The following MCM3AP variants were observed in gnomAD, a reference collection of about 807,000 sequenced individuals.
The protein encoded by MCM3AP is minichromosome maintenance complex component 3 associated protein, also known as germinal-center associated nuclear protein.
In MCM3AP, 126 loss-of-function variants were observed where a neutral mutation model predicts 184.1. The ratio of observed to expected loss-of-function variants is 0.68; its 90% confidence interval spans 0.59 to 0.79. The LOEUF (loss-of-function observed/expected upper bound fraction) is 0.79. Ranked by LOEUF, MCM3AP falls within the 30% of genes least tolerant of loss-of-function variation. The pLI, the probability that MCM3AP is intolerant of heterozygous loss-of-function variation, is 0.00. For synonymous variants in MCM3AP, 1,002 were observed against 979.3 expected (o/e 1.02, Z -0.43); for missense variants, 2,496 against 2,479.2 (o/e 1.01, Z -0.14).
At position 46,267,264 on chromosome 21, in the gene MCM3AP, C is replaced by T. The variant is rs1000226371; in HGVS notation, c.2629-122G>A. On this transcript the variant is annotated intron_variant, in intron 9 of 27. Transcript: ENST00000291688. ...ATGGGCTCCTCCTGGGCTGAGTCCA[C>T]CAGAAGGCGCTTTGGCAACACGGAA... The T allele has an allele frequency of 4.5e-6, 4 of 895,752 alleles. No homozygotes were observed. In the Admixed American group the frequency reaches 1.0e-4, roughly 22 times the overall value. The allele number at this position is 895,752 out of a possible 1,614,324, so 55.5% of individuals were successfully genotyped here.
Position 46,243,690 on chromosome 21 carries a change from G to A in MCM3AP, c.5071C>T (p.Gln1691Ter), listed in dbSNP as rs2123822843. The stretch of plus-strand genomic sequence containing the variant: ...GAGCTGGGGATCTGGGAGGCGTACT[G>A]GACAACCATGGAGCACACGGGGAGC... The part of the protein sequence containing the change: ...PWLPVCSMVV[Q>*]YASQIPSSRQ... Residue 1691 changes from glutamine (Q) to a stop codon, truncating the protein, a stop_gained, in exon 24 of 28, where the codon CAG becomes TAG. Coordinates refer to ENST00000291688, the MANE Select transcript of MCM3AP (RefSeq NM_003906.5). LOFTEE classifies it high-confidence loss of function. 1 of 1,614,170 alleles carries A rather than the reference G, an allele frequency of 6.2e-7. No homozygotes were observed. Among genetic ancestry groups the A allele is most frequent in the Non-Finnish European group, 8.5e-7 (1 of 1,180,046 alleles).
In MCM3AP at chr21:46,272,547, A is replaced by G; in HGVS notation, c.2465+14T>C. The G allele has an allele frequency of 6.2e-7, 1 of 1,609,246 alleles. No homozygotes were observed. Among genetic ancestry groups the G allele is most frequent in the Non-Finnish European group, 8.5e-7 (1 of 1,177,150 alleles). ...TCAGCCACCTTAGGACAACTTTTGG[A>G]TGTGAAAATTCACCTTAGGATGTCT... On this transcript the variant is annotated intron_variant, in intron 8 of 27. Coordinates refer to ENST00000291688, the MANE Select transcript of MCM3AP (RefSeq NM_003906.5).
chr21:46,261,848 C>T (rs189710004), intron 13 of MCM3AP, among the ~76,000 whole-genome samples: 100 of 152,044 alleles, frequency 6.6e-4, no homozygotes, highest in Non-Finnish European at 1.2e-3. Flanking sequence ...CAAAATGCTC[C>T]AAAATCTCAA....
chr21:46,255,935 C>G (rs908767670), intron 17 of MCM3AP, among the ~76,000 whole-genome samples: 2 of 152,168 alleles, frequency 1.3e-5, no homozygotes, highest in African/African-American at 4.8e-5. Context: ...GCCCTGGCCT[C>G]ACAGCATGCC....
chr21:46,247,654 C>G (rs1195115630), intron 20 of MCM3AP: 1 of 152,034 alleles, frequency 6.6e-6, no homozygotes, highest in Non-Finnish European at 1.5e-5. Context: ...ACCGCGCCCA[C>G]CCATGTTCAT....
At chr21:46,264,826 G>A (rs537690918) in intron 12 of MCM3AP, among the ~76,000 whole-genome samples, 24 of 151,530 alleles carry the variant, frequency 1.6e-4, no homozygotes, top group African/African-American at 4.6e-4. Flanking sequence ...GGGCACACCC[G>A]CCAGGGGACA....
chr21:46,258,687 G>A (rs549013834), intron 16 of MCM3AP, among the ~76,000 whole-genome samples: 21 of 151,872 alleles, frequency 1.4e-4, no homozygotes, highest in African/African-American at 4.8e-4. Flanking sequence ...TTGACATACA[G>A]AGTAGCCACC....
In MCM3AP at chr21:46,242,946, C is replaced by T; in HGVS notation, c.5297-15G>A. ...ACTCAGCGCCTCTGAGAAAACAATA[C>T]AAAAACAGATAAAGAGGCCAGCCTG... On this transcript the variant is annotated splice_polypyrimidine_tract_variant and intron_variant, in intron 24 of 27. Transcript: ENST00000291688. 6.6e-7 allele frequency: 1 copy of T among 1,525,152 alleles called. No homozygotes were observed. The highest frequency in any genetic ancestry group is 8.8e-7 in the Non-Finnish European group (1 of 1,134,564). The allele number at this position is 1,525,152 out of a possible 1,614,324, so 94.5% of individuals were successfully genotyped here.
chr21:46,254,671 C>CAT, intron 18 of MCM3AP, 105 bp downstream of exon 18: 1 of 1,416,116 alleles, frequency 7.1e-7, no homozygotes. Context: ...GTCTGGAGCT[C>CAT]ATCGAAGAGA....
At chr21:46,249,797 G>C (rs1378220843) in intron 20 of MCM3AP, 1 of 282,018 alleles carries the variant, frequency 3.5e-6, no homozygotes, top group Non-Finnish European at 7.0e-6. Context: ...AGCCAGATGA[G>C]CATCTCCACC....
intron 17 of MCM3AP, 128 bp downstream of exon 17, chr21:46,256,661 G>C (rs1239197921): frequency 1.3e-5 from 16 of 1,193,754 alleles, no homozygotes; most frequent in Non-Finnish European, 1.6e-5. Flanking sequence ...TCGCCTCCAG[G>C]CTTCACCTAT....
intron 26 of MCM3AP, among the ~76,000 whole-genome samples, chr21:46,238,092 T>TC (rs2080581846): frequency 1.5e-5 from 1 of 66,886 alleles, no homozygotes; most frequent in African/African-American, 6.9e-5. Context: ...AGAGCAAAAC[T>TC]CCATCTCAAA....
At chr21:46,238,745 A>ATTTT (rs2080594191) in intron 26 of MCM3AP, among the ~76,000 whole-genome samples, 1 of 51,788 alleles carries the variant, frequency 1.9e-5, no homozygotes, top group African/African-American at 9.1e-5. Context: ...AAACCACTTA[A>ATTTT]ATTATAGAGA....
At chr21:46,262,777 C>T (rs1243681388) in intron 13 of MCM3AP, among the ~76,000 whole-genome samples, 1 of 150,614 alleles carries the variant, frequency 6.6e-6, no homozygotes, top group African/African-American at 2.4e-5. Context: ...ACCATCCTGG[C>T]TAACACAGTG....
Position 46,280,585 on chromosome 21 carries a change from A to C in MCM3AP, c.1444-10T>G. ...CCAGGGCTGCAGATGCCTGGAAAACAGTCCACAACCGCCATGTGTGAGTAT... is the reference window on the plus strand; with the variant it reads ...CCAGGGCTGCAGATGCCTGGAAAACCGTCCACAACCGCCATGTGTGAGTAT... On this transcript the variant is annotated splice_polypyrimidine_tract_variant and intron_variant, in intron 2 of 27. Coordinates refer to ENST00000291688, the MANE Select transcript of MCM3AP (RefSeq NM_003906.5). 1 of 1,592,528 alleles carries C rather than the reference A, an allele frequency of 6.3e-7. No homozygotes were observed. The highest frequency in any genetic ancestry group is 8.6e-7 in the Non-Finnish European group (1 of 1,162,102).
chr21:46,251,317 C>T, intron 20 of MCM3AP: 2 of 410,538 alleles, frequency 4.9e-6, no homozygotes, highest in Non-Finnish European at 8.7e-6. Flanking sequence ...AGTAAAGAAG[C>T]AGGCTGGGCT....
chr21:46,254,754 A>AG (rs774390404), intron 18 of MCM3AP, 22 bp downstream of exon 18: 2 of 1,608,846 alleles, frequency 1.2e-6, no homozygotes, highest in Admixed American at 3.3e-5. Flanking sequence ...GGGGGTGCGC[A>AG]GAAGGGTGCA....
chr21:46,274,440 T>A (rs1256073009), intron 6 of MCM3AP, among the ~76,000 whole-genome samples: 4 of 152,192 alleles, frequency 2.6e-5, no homozygotes, highest in Non-Finnish European at 2.9e-5. Flanking sequence ...GCCTATCTAC[T>A]AATGGTAAAA....
At chr21:46,262,763 T>C (rs6518286) in intron 13 of MCM3AP, among the ~76,000 whole-genome samples, 130,700 of 150,880 alleles carry the variant, frequency 0.87, 57,010 homozygotes, top group African/African-American at 0.94. Context: ...GTCAGGAGAT[T>C]GAGACCATCC....
Sources: gnomAD v4.1 joint callset for allele counts (sites outside exome capture counted in the v4.1 genomes callset) on GRCh38, gnomAD v4.1.1 for gene constraint, MANE v1.5 for transcripts, NCBI Gene and HGNC (gene_info 2026-07-23, HGNC 2026-07-21) for gene names.